Variants in DLGAP1 observed in about 807,000 individuals in gnomAD.
DLGAP1 encodes DLG associated protein 1, also known as disks large-associated protein 1.
In DLGAP1, 11 loss-of-function variants were observed where a neutral mutation model predicts 90.8. The observed-to-expected ratio is 0.12, with a 90% CI of 0.08 to 0.20. DLGAP1 has a LOEUF of 0.20. DLGAP1 is among the 10% of genes least tolerant of loss of function. The probability of loss-of-function intolerance (pLI) is 1.00; values close to 1 mark genes in which losing one functional copy is unlikely to be tolerated. For synonymous variants in DLGAP1, 558 were observed against 540.7 expected (o/e 1.03, Z -0.44); for missense variants, 1,050 against 1,333.8 (o/e 0.79, Z 3.31).
intron 9 of DLGAP1, among the ~76,000 whole-genome samples, chr18:3,540,469 CAAAAAAA>C (rs60740209): frequency 0.027 from 1,560 of 58,050 alleles, 22 homozygotes; most frequent in South Asian, 0.067. Context: ...GGCCCTGTGT[CAAAAAAA>C]AAAAAAAAAA....
At chr18:3,738,422 C>T (rs1388466886) in intron 6 of DLGAP1, among the ~76,000 whole-genome samples, 54 of 136,748 alleles carry the variant, frequency 3.9e-4, no homozygotes, top group African/African-American at 1.2e-3. Flanking sequence ...GGTACCAAAA[C>T]AGAGATATAG....
At chr18:4,273,877 T>A (rs543759651) in intron 1 of DLGAP1, among the ~76,000 whole-genome samples, 12 of 148,072 alleles carry the variant, frequency 8.1e-5, no homozygotes, top group African/African-American at 3.1e-4. Flanking sequence ...TACTTCTGAT[T>A]TTAGTAATTT....
chr18:3,744,660 C>T (rs894258328), intron 5 of DLGAP1, among the ~76,000 whole-genome samples: 1 of 152,102 alleles, frequency 6.6e-6, no homozygotes, highest in Admixed American at 6.6e-5. Context: ...ATTCTCCTGC[C>T]TTAGCCTCCC....
At chr18:4,359,805 C>T (rs2081594254) in intron 1 of DLGAP1, among the ~76,000 whole-genome samples, 2 of 152,108 alleles carry the variant, frequency 1.3e-5, no homozygotes, top group South Asian at 4.1e-4. Context: ...AGGCCCTGTT[C>T]TAGACACTGG....
chr18:3,841,592 A>T (rs1568224538), intron 4 of DLGAP1, among the ~76,000 whole-genome samples: 1 of 152,196 alleles, frequency 6.6e-6, no homozygotes, highest in Non-Finnish European at 1.5e-5. Flanking sequence ...TGAGGGTCCC[A>T]TTCCTTAATA....
rs77044666 is a variant in DLGAP1 at position 3,782,869 on chromosome 18, C to T, written c.1172+31190G>A. On this transcript the variant is annotated intron_variant, in intron 5 of 12. Coordinates refer to ENST00000315677, the MANE Select transcript of DLGAP1 (RefSeq NM_004746.4). Reference sequence around the variant, plus strand: ...CACCTCAAGAAATTGAAAAGACAATCCAAAGAATGGGAGAAAATTTTTGCA... The same window carrying T: ...CACCTCAAGAAATTGAAAAGACAATTCAAAGAATGGGAGAAAATTTTTGCA... Among the ~76,000 whole-genome samples, 333 of 152,124 alleles carry T rather than the reference C, an allele frequency of 2.2e-3. 7 individuals are homozygous for T. In the East Asian group the frequency reaches 0.048, roughly 22 times the overall value.
intron 1 of DLGAP1, among the ~76,000 whole-genome samples, chr18:4,402,360 G>A (rs1038003): frequency 0.89 from 135,103 of 151,960 alleles, 60,986 homozygotes; most frequent in East Asian, 1. Flanking sequence ...AAACAGGTTT[G>A]TCAGAAACAG....
At chr18:4,283,219 T>C (rs970897996) in intron 1 of DLGAP1, among the ~76,000 whole-genome samples, 3 of 152,224 alleles carry the variant, frequency 2.0e-5, no homozygotes, top group African/African-American at 7.2e-5. Flanking sequence ...AATGCTGATT[T>C]CTGAGAGTCA....
At chr18:4,398,864 ACT>A (rs1294951210) in intron 1 of DLGAP1, among the ~76,000 whole-genome samples, 1 of 152,018 alleles carries the variant, frequency 6.6e-6, no homozygotes, top group Non-Finnish European at 1.5e-5. Flanking sequence ...ACAGTGTCTC[ACT>A]CTGTCGCCAG....
At chr18:3,679,831 CT>C (rs2060445036) in intron 7 of DLGAP1, 1 of 119,134 alleles carries the variant, frequency 8.4e-6, no homozygotes, top group Admixed American at 9.0e-5. Flanking sequence ...TTTTCTTTTT[CT>C]TTTCTTTCTT....
At chr18:3,797,038 G>A (rs1445580279) in intron 5 of DLGAP1, among the ~76,000 whole-genome samples, 1 of 152,054 alleles carries the variant, frequency 6.6e-6, no homozygotes, top group Non-Finnish European at 1.5e-5. Context: ...GTTCTTATAA[G>A]AAGAGACACT....
At chr18:3,640,901 A>G (rs1242128307) in intron 7 of DLGAP1, among the ~76,000 whole-genome samples, 1 of 152,200 alleles carries the variant, frequency 6.6e-6, no homozygotes, top group Non-Finnish European at 1.5e-5. Flanking sequence ...AATCCTTACT[A>G]TTATTGTCAT....
At chr18:4,335,366 T>A (rs1568521128) in intron 1 of DLGAP1, among the ~76,000 whole-genome samples, 3 of 151,940 alleles carry the variant, frequency 2.0e-5, no homozygotes, top group African/African-American at 4.9e-5. Flanking sequence ...AAGACAAGGA[T>A]CATTCCTAGG....
At chr18:3,798,474 T>C (rs1431972758) in intron 5 of DLGAP1, among the ~76,000 whole-genome samples, 1 of 152,030 alleles carries the variant, frequency 6.6e-6, no homozygotes, top group South Asian at 2.1e-4. Flanking sequence ...GCAGCTACAA[T>C]GTAGGAAAAA....
intron 1 of DLGAP1, among the ~76,000 whole-genome samples, chr18:4,330,177 C>T (rs184771517): frequency 8.9e-4 from 135 of 151,894 alleles, no homozygotes; most frequent in African/African-American, 3.1e-3. Context: ...TCATCTTTAC[C>T]ATCTTTTCAT....
chr18:4,212,567 G>C lies in DLGAP1; in HGVS notation c.-266-61280C>G, dbSNP rs552487944. ...CGTGCCTGTAATCCCAGCTACTTGGGAGGCTGAGGCAGGAGACTGCACTGC... is the reference window on the plus strand; with the variant it reads ...CGTGCCTGTAATCCCAGCTACTTGGCAGGCTGAGGCAGGAGACTGCACTGC... On this transcript the variant is annotated intron_variant, in intron 1 of 12. Transcript: ENST00000315677. Among the ~76,000 whole-genome samples the C allele has an allele frequency of 2.0e-5, 3 of 149,982 alleles. No individual in the cohort carries two copies. The East Asian group carries it at 5.9e-4, about 29-fold the overall frequency.
chr18:4,315,298 A>T (rs1428895846), intron 1 of DLGAP1, among the ~76,000 whole-genome samples: 1 of 152,200 alleles, frequency 6.6e-6, no homozygotes, highest in Non-Finnish European at 1.5e-5. Flanking sequence ...TATTATTGTT[A>T]TTACTATCTA....
chr18:4,159,547 T>C (rs540903167), intron 1 of DLGAP1, among the ~76,000 whole-genome samples: 1 of 152,230 alleles, frequency 6.6e-6, no homozygotes, highest in East Asian at 1.9e-4. Context: ...TATTTATCTG[T>C]TTTTCTCAGT....
chr18:4,161,297 T>C (rs1161417038), intron 1 of DLGAP1, among the ~76,000 whole-genome samples: 1 of 152,120 alleles, frequency 6.6e-6, no homozygotes, highest in Admixed American at 6.5e-5. Context: ...CACGTGTCCA[T>C]GTGTTCTCAT....
Sources: allele counts gnomAD v4.1 joint callset (sites outside exome capture counted in the v4.1 genomes callset), GRCh38; gene constraint gnomAD v4.1.1; transcripts MANE v1.5; gene names NCBI Gene and HGNC (gene_info 2026-07-23, HGNC 2026-07-21).